NEURL1B: variants seen among roughly 807,000 people sequenced by gnomAD.
The protein encoded by NEURL1B is E3 ubiquitin-protein ligase NEURL1B.
Under a neutral mutation model 37.4 loss-of-function variants are expected in NEURL1B, and 13 were observed. The observed-to-expected ratio is 0.35, with a 90% CI of 0.23 to 0.55. The LOEUF (loss-of-function observed/expected upper bound fraction) is 0.55. Among genes scored for constraint, NEURL1B ranks in the 20% least tolerant of loss-of-function variants. The pLI is 0.89. For synonymous variants in NEURL1B, 432 were observed against 426.6 expected (o/e 1.01, Z -0.16); for missense variants, 790 against 879.2 (o/e 0.90, Z 1.28).
At chr5:172,659,910 G>A (rs538677549) in intron 1 of NEURL1B, among the ~76,000 whole-genome samples, 18 of 152,302 alleles carry the variant, frequency 1.2e-4, no homozygotes, top group Non-Finnish European at 2.4e-4. Flanking sequence ...CCCCTGAGAA[G>A]CTGTCGCCAC....
chr5:172,665,828 A>G lies in NEURL1B; in HGVS notation c.32-3957A>G, dbSNP rs1340652045. 2.0e-5 allele frequency among the ~76,000 whole-genome samples: 3 copies of G among 151,852 alleles called. No individual in the cohort carries two copies. The highest frequency in any genetic ancestry group is 1.3e-4 in the Admixed American group (2 of 15,252). On this transcript the variant is annotated intron_variant, in intron 1 of 4. Coordinates refer to ENST00000369800, the MANE Select transcript of NEURL1B (RefSeq NM_001142651.3). The surrounding 1 kb of genome is among the most constrained non-coding windows in gnomAD (Gnocchi z 4.1). The stretch of plus-strand genomic sequence containing the variant: ...AGTCCAGGGCCTCCTCCAGGCCCCT[A>G]GTCCCCCCGGTGCCATCGCCTGAGA...
Position 172,641,874 on chromosome 5 carries a change from A to C in NEURL1B, c.31+437A>C, listed in dbSNP as rs1487498257. ...GCTGCCGAGAGTGAGGGGTGCTCTC[A>C]GGGGCACCCCAGTTTCCAGCCTCCC... On this transcript the variant is annotated intron_variant, in intron 1 of 4. Coordinates refer to ENST00000369800, the MANE Select transcript of NEURL1B (RefSeq NM_001142651.3). The surrounding 1 kb of genome is among the most constrained non-coding windows in gnomAD (Gnocchi z 6.4). Among the ~76,000 whole-genome samples, 2 of 152,084 alleles carry C rather than the reference A, an allele frequency of 1.3e-5. No individual in the cohort carries two copies. Among genetic ancestry groups the C allele is most frequent in the African/African-American group, 2.4e-5 (1 of 41,412 alleles).
chr5:172,688,298 A>C lies in NEURL1B; in HGVS notation c.*1373A>C, dbSNP rs951991359. ...GTCTATTTTTCAGTTCCCAATTAGA[A>C]GTCTAGAACCTGACAACTCCAGGAG... On this transcript the variant is annotated 3_prime_UTR_variant, in exon 5 of 5. Transcript: ENST00000369800. This position sits in a 1 kb window ranked among gnomAD's most constrained non-coding sequence, Gnocchi z 4.3. 6.5e-6 allele frequency: 1 copy of C among 152,762 alleles called. No homozygotes were observed. Among genetic ancestry groups the C allele is most frequent in the African/African-American group, 2.4e-5 (1 of 41,456 alleles). The allele number at this position is 152,762 out of a possible 1,614,324, so 9.5% of individuals were successfully genotyped here.
intron 2 of NEURL1B, among the ~76,000 whole-genome samples, chr5:172,672,540 T>TCCC (rs9313602): frequency 0.28 from 37,509 of 133,812 alleles, 5,354 homozygotes; most frequent in South Asian, 0.31. Flanking sequence ...AGGTGAACTC[T>TCCC]CCCCCCCCCA....
rs1758084148 is a variant in NEURL1B, at chr5:172,669,799, G to C, written c.46G>C (p.Ala16Pro). The C allele has an allele frequency of 7.8e-7, 1 of 1,276,480 alleles. No homozygotes were observed. Among genetic ancestry groups the C allele is most frequent in the Non-Finnish European group, 1.0e-6 (1 of 1,003,940 alleles). The allele number at this position is 1,276,480 out of a possible 1,614,324, so 79.1% of individuals were successfully genotyped here. ...HRTLPDPSPPARLLATRPCCG... is the reference protein window; with the variant it reads ...HRTLPDPSPPPRLLATRPCCG... ...TCTTTCCGCAGACCCGAGCCCACCGGCGCGCCTCCTGGCCACCCGGCCGTG... is the reference window on the plus strand; with the variant it reads ...TCTTTCCGCAGACCCGAGCCCACCGCCGCGCCTCCTGGCCACCCGGCCGTG... Residue 16 changes from alanine to proline, a missense_variant, in exon 2 of 5, where the codon GCG (alanine) becomes CCG (proline). By Grantham distance (27) the Ala-to-Pro change is conservative (BLOSUM62 -1). Around this residue, in one of 3 missense-constraint regions of NEURL1B, gnomAD observed 215 missense variants for 309.2 expected, o/e 0.70. Coordinates refer to ENST00000369800, the MANE Select transcript of NEURL1B (RefSeq NM_001142651.3).
chr5:172,683,455 T>C lies in NEURL1B; in HGVS notation c.614T>C (p.Leu205Pro). ...GCTGACACGCTGACGCCCGCGCGCC[T>C]CAGCCAGGCCCGCTTCAGCGCCTGC... The part of the protein sequence containing the change: ...AFADTLTPAR[L>P]SQARFSACLP... Residue 205 changes from leucine to proline, a missense_variant, in exon 3 of 5, where the codon CTC becomes CCC. By Grantham distance (98) the Leu-to-Pro change is moderately conservative. This residue lies in a region of NEURL1B where 460 missense variants were observed against 407.4 expected (regional missense o/e 1.13). Coordinates refer to ENST00000369800, the MANE Select transcript of NEURL1B (RefSeq NM_001142651.3). The surrounding 1 kb of genome is among the most constrained non-coding windows in gnomAD (Gnocchi z 5.6). 6.8e-7 allele frequency: 1 copy of C among 1,465,178 alleles called. No homozygotes were observed. Among genetic ancestry groups the C allele is most frequent in the Non-Finnish European group, 9.0e-7 (1 of 1,111,524 alleles). The allele number at this position is 1,465,178 out of a possible 1,614,324, so 90.8% of individuals were successfully genotyped here.
intron 1 of NEURL1B, among the ~76,000 whole-genome samples, chr5:172,652,393 G>A (rs923993776): frequency 5.9e-5 from 9 of 152,338 alleles, no homozygotes; most frequent in African/African-American, 1.7e-4. Flanking sequence ...ACGTGCAGAC[G>A]GAATATTTGA....
At chr5:172,679,018 G>A (rs537094820) in intron 2 of NEURL1B, among the ~76,000 whole-genome samples, 1 of 152,350 alleles carries the variant, frequency 6.6e-6, no homozygotes, top group East Asian at 1.9e-4. Flanking sequence ...ACCTGACTGG[G>A]GACTGCTGCA....
intron 2 of NEURL1B, among the ~76,000 whole-genome samples, chr5:172,672,707 C>T (rs1025434220): frequency 2.6e-5 from 4 of 152,136 alleles, no homozygotes; most frequent in African/African-American, 9.7e-5. Context: ...TTGATGGAAA[C>T]TACCTGGCAC....
intron 1 of NEURL1B, among the ~76,000 whole-genome samples, chr5:172,660,810 T>C (rs1185090111): frequency 6.6e-6 from 1 of 152,168 alleles, no homozygotes; most frequent in African/African-American, 2.4e-5. Flanking sequence ...CGACTAATGT[T>C]TGTATTTTTA....
chr5:172,654,050 C>G (rs1757718482), intron 1 of NEURL1B, among the ~76,000 whole-genome samples: 1 of 152,122 alleles, frequency 6.6e-6, no homozygotes, highest in Non-Finnish European at 1.5e-5. Context: ...TCCTTCATGT[C>G]TGTGGACTAG....
rs369770725 is a variant in NEURL1B, at chr5:172,668,951, G to A, written c.32-834G>A. On this transcript the variant is annotated intron_variant, in intron 1 of 4. Coordinates refer to ENST00000369800, the MANE Select transcript of NEURL1B (RefSeq NM_001142651.3). ...AATGAACCCCAAAGGTGTCCGTTCC[G>A]GAAAAGCCAACGTTGCTCATAAGCA... Among the ~76,000 whole-genome samples, 94 of 152,326 alleles carry A rather than the reference G, an allele frequency of 6.2e-4. 1 individual carries two copies. In the South Asian group the frequency reaches 0.016, roughly 25 times the overall value.
chr5:172,652,902 CT>C (rs1410696270), intron 1 of NEURL1B, among the ~76,000 whole-genome samples: 2 of 152,176 alleles, frequency 1.3e-5, no homozygotes, highest in African/African-American at 4.8e-5. Context: ...GGGTTTTCCC[CT>C]GGGACTATGG....
At chr5:172,644,156 G>A (rs1330263295) in intron 1 of NEURL1B, among the ~76,000 whole-genome samples, 2 of 152,202 alleles carry the variant, frequency 1.3e-5, no homozygotes, top group Admixed American at 1.3e-4. Flanking sequence ...ACCTGGAGCA[G>A]TGGCTAGTAC....
chr5:172,686,110 A>G lies in NEURL1B; in HGVS notation c.1298-61A>G. On this transcript the variant is annotated intron_variant, in intron 3 of 4. Coordinates refer to ENST00000369800, the MANE Select transcript of NEURL1B (RefSeq NM_001142651.3). The surrounding 1 kb of genome is among the most constrained non-coding windows in gnomAD (Gnocchi z 7.9). ...CTAAGGTGCAAAGCAGTGAAGAACC[A>G]TGGACTAGCAGGGCAGGTCCAACCT... The G allele has an allele frequency of 6.5e-7, 1 of 1,538,396 alleles. No individual in the cohort carries two copies. Among genetic ancestry groups the G allele is most frequent in the Non-Finnish European group, 8.8e-7 (1 of 1,139,792 alleles).
rs77768929 is a variant in NEURL1B, at chr5:172,675,803, C to G, written c.577+5473C>G. Among the ~76,000 whole-genome samples the G allele has an allele frequency of 5.6e-3, 856 of 152,274 alleles. 4 individuals are homozygous for G. Among genetic ancestry groups the G allele is most frequent in the African/African-American group, 0.019 (796 of 41,540 alleles). On this transcript the variant is annotated intron_variant, in intron 2 of 4. Transcript: ENST00000369800. The surrounding 1 kb of genome is among the most constrained non-coding windows in gnomAD (Gnocchi z 4.7). ...TATCCGAAAATCACTGTTGATGATT[C>G]TAGATTAGTGTTTTTTCATGTTTTG...
Position 172,683,362 on chromosome 5 carries a change from G to C in NEURL1B, c.578-57G>C. On this transcript the variant is annotated intron_variant, in intron 2 of 4. Transcript: ENST00000369800. The surrounding 1 kb of genome is among the most constrained non-coding windows in gnomAD (Gnocchi z 5.6). ...GGAGGCAGCGGGCGAGGAGGGGCTC[G>C]CGACCAGCCTGACGCGCGGCCTCTC... The C allele has an allele frequency of 1.6e-6, 2 of 1,264,956 alleles. No homozygotes were observed. Among genetic ancestry groups the C allele is most frequent in the African/African-American group, 3.1e-5 (2 of 64,406 alleles). 78.4% of individuals were successfully genotyped at this position (1,264,956 alleles called of 1,614,324 possible).
chr5:172,686,104 A>G lies in NEURL1B; in HGVS notation c.1298-67A>G. 6.5e-7 allele frequency: 1 copy of G among 1,533,750 alleles called. No homozygotes were observed. The highest frequency in any genetic ancestry group is 2.4e-5 in the East Asian group (1 of 40,838). Reference sequence around the variant, plus strand: ...GGAAAGCTAAGGTGCAAAGCAGTGAAGAACCATGGACTAGCAGGGCAGGTC... The same window carrying G: ...GGAAAGCTAAGGTGCAAAGCAGTGAGGAACCATGGACTAGCAGGGCAGGTC... On this transcript the variant is annotated intron_variant, in intron 3 of 4. Coordinates refer to ENST00000369800, the MANE Select transcript of NEURL1B (RefSeq NM_001142651.3). The surrounding 1 kb of genome is among the most constrained non-coding windows in gnomAD (Gnocchi z 7.9).
intron 1 of NEURL1B, among the ~76,000 whole-genome samples, chr5:172,667,085 G>A (rs906371428): frequency 6.6e-6 from 1 of 151,734 alleles, no homozygotes; most frequent in Non-Finnish European, 1.5e-5. Flanking sequence ...ATCTACTACT[G>A]GTATCTCCCT....
Sources: gnomAD v4.1 joint callset for allele counts (sites outside exome capture counted in the v4.1 genomes callset) on GRCh38, gnomAD v4.1.1 for gene constraint, gnomAD v4.1.1 regional missense constraint, Gnocchi (gnomAD v3.1) non-coding constraint, MANE v1.5 for transcripts, NCBI Gene and HGNC (gene_info 2026-07-23, HGNC 2026-07-21) for gene names.